KATNAL2: variants seen among roughly 807,000 people sequenced by gnomAD.
KATNAL2 encodes the protein katanin p60 ATPase-containing subunit A-like 2.
Under a neutral mutation model 76.3 loss-of-function variants are expected in KATNAL2, and 52 were observed. The ratio of observed to expected loss-of-function variants is 0.68; its 90% CI spans 0.55 to 0.86. KATNAL2 has a LOEUF of 0.86. Among genes scored for constraint, KATNAL2 ranks in the 40% least tolerant of loss-of-function variants. KATNAL2 has a pLI of 0.00. For synonymous variants in KATNAL2, 243 were observed against 244.2 expected (o/e 1.00, Z 0.05); for missense variants, 660 against 668.9 (o/e 0.99, Z 0.15).
chr18:47,068,643 T>G (rs2061891215), intron 11 of KATNAL2, among the ~76,000 whole-genome samples: 1 of 152,188 alleles, frequency 6.6e-6, no homozygotes, highest in Non-Finnish European at 1.5e-5. Context: ...CTACCAACCC[T>G]TGCCACCCAC....
At position 47,043,245 on chromosome 18, in the gene KATNAL2, A is replaced by AAAAAAAAT. The variant is rs376877321; in HGVS notation, c.52-3212_52-3211insAAAAAAAT. 5.2e-4 allele frequency among the ~76,000 whole-genome samples: 48 copies of AAAAAAAAT among 93,136 alleles called. 6 individuals carry two copies. Among genetic ancestry groups the AAAAAAAAT allele is most frequent in the African/African-American group, 6.1e-4 (15 of 24,730 alleles). 61.1% of individuals were successfully genotyped at this position (93,136 alleles called of 152,430 possible). ...CCGTTTCAAAAAAAAAAAAAAAAAA[A>AAAAAAAAT]GAGATCCTAAAAGCTTCCTGGGAAG... On this transcript the variant is annotated intron_variant, in intron 3 of 17. Coordinates refer to ENST00000683218, the MANE Select transcript of KATNAL2 (RefSeq NM_001387690.1).
At chr18:47,071,592 G>A (rs1328908061) in intron 13 of KATNAL2, among the ~76,000 whole-genome samples, 1 of 151,894 alleles carries the variant, frequency 6.6e-6, no homozygotes, top group African/African-American at 2.4e-5. Flanking sequence ...TTCATCTCCT[G>A]TCATGAAAAG....
chr18:47,066,686 G>A (rs1298734500), intron 10 of KATNAL2, among the ~76,000 whole-genome samples: 1 of 151,326 alleles, frequency 6.6e-6, no homozygotes, highest in Non-Finnish European at 1.5e-5. Context: ...AGCATGGTTT[G>A]CTATTGACTG....
chr18:47,047,351 A>G (rs1019381403), intron 4 of KATNAL2, among the ~76,000 whole-genome samples: 2 of 152,230 alleles, frequency 1.3e-5, no homozygotes, highest in Non-Finnish European at 2.9e-5. Flanking sequence ...TAGCACAGAA[A>G]TGAGGTTTTT....
Position 47,036,022 on chromosome 18 carries a change from T to C in KATNAL2, c.52-10435T>C, listed in dbSNP as rs187119565. Among the ~76,000 whole-genome samples, 4 of 152,348 alleles carry C rather than the reference T, an allele frequency of 2.6e-5. No homozygotes were observed. The East Asian group carries it at 7.7e-4, about 29-fold the overall frequency. ...ATCTGCTCCATCAATTTCGAGACAG[T>C]AGTTCGAGCACTGTCTTGACCCCGC... On this transcript the variant is annotated intron_variant, in intron 3 of 17. Coordinates refer to ENST00000683218, the MANE Select transcript of KATNAL2 (RefSeq NM_001387690.1).
Position 47,053,063 on chromosome 18 carries a change from T to C in KATNAL2, c.289+17T>C, listed in dbSNP as rs775809834. On this transcript the variant is annotated intron_variant, in intron 5 of 17. Coordinates refer to ENST00000683218, the MANE Select transcript of KATNAL2 (RefSeq NM_001387690.1). ...CAGACACAGGTACATGCCTATTTTC[T>C]AGAGATAAGGCTTTGTCTCATCTGT... is the stretch of plus-strand genomic sequence containing the variant. 9 of 1,566,242 alleles carry C rather than the reference T, an allele frequency of 5.7e-6. No individual in the cohort carries two copies. Among genetic ancestry groups the C allele is most frequent in the Non-Finnish European group, 7.8e-6 (9 of 1,158,202 alleles).
At chr18:47,060,664 T>G (rs1488254363) in intron 8 of KATNAL2, among the ~76,000 whole-genome samples, 1 of 152,200 alleles carries the variant, frequency 6.6e-6, no homozygotes, top group Non-Finnish European at 1.5e-5. Context: ...AGTGCTGACT[T>G]AGTTCTGGCC....
intron 13 of KATNAL2, among the ~76,000 whole-genome samples, chr18:47,074,040 G>A (rs536288134): frequency 2.0e-5 from 3 of 152,208 alleles, no homozygotes; most frequent in African/African-American, 7.2e-5. Context: ...TGCCACTGTC[G>A]TAATCACCCT....
chr18:47,059,178 T>C (rs2061557020), intron 7 of KATNAL2, among the ~76,000 whole-genome samples: 1 of 152,112 alleles, frequency 6.6e-6, no homozygotes, highest in Non-Finnish European at 1.5e-5. Flanking sequence ...ATGAGTCCCA[T>C]GGGAGGCTAG....
At chr18:46,933,399 G>A (rs1418678336) in intron 1 of KATNAL2, among the ~76,000 whole-genome samples, 2 of 152,168 alleles carry the variant, frequency 1.3e-5, no homozygotes, top group African/African-American at 4.8e-5. Flanking sequence ...CACAGGAGAT[G>A]AAGAGGTTAA....
chr18:47,051,394 C>T (rs1248307457), intron 4 of KATNAL2, among the ~76,000 whole-genome samples: 2 of 151,234 alleles, frequency 1.3e-5, no homozygotes, highest in South Asian at 4.2e-4. Flanking sequence ...TTGTGCCACT[C>T]CAGCTTAGGT....
rs955694413 is a variant in KATNAL2 at position 47,066,581 on chromosome 18, C to A, written c.727-440C>A. ...TGTTTGTGAGATCAAGGAGCAAGAGCAAGGCCAGGCACTGGCTAGGAACTA... is the reference window on the plus strand; with the variant it reads ...TGTTTGTGAGATCAAGGAGCAAGAGAAAGGCCAGGCACTGGCTAGGAACTA... On this transcript the variant is annotated intron_variant, in intron 10 of 17. Transcript: ENST00000683218. Among the ~76,000 whole-genome samples the A allele has an allele frequency of 3.3e-5, 5 of 152,142 alleles. 1 individual carries two copies. The highest frequency in any genetic ancestry group is 3.3e-4 in the Admixed American group (5 of 15,292).
chr18:47,065,345 T>C (rs1050272670), intron 10 of KATNAL2, among the ~76,000 whole-genome samples: 1 of 150,920 alleles, frequency 6.6e-6, no homozygotes, highest in Non-Finnish European at 1.5e-5. Flanking sequence ...CTGGGCAACA[T>C]AATGAGACCC....
intron 11 of KATNAL2, among the ~76,000 whole-genome samples, chr18:47,067,715 A>G (rs550856185): frequency 2.0e-5 from 3 of 152,260 alleles, no homozygotes; most frequent in African/African-American, 7.2e-5. Context: ...TGAGGAGATA[A>G]GTGATAACTT....
At position 46,922,385 on chromosome 18, in the gene KATNAL2, C is replaced by A. The variant is rs764413687; in HGVS notation, c.-510+4459C>A. Reference sequence around the variant, plus strand: ...GTGCTAGGATTACTGATGTGAGCCGCTGCTCCCGGCCTCAACTTTTTATTC... The same window carrying A: ...GTGCTAGGATTACTGATGTGAGCCGATGCTCCCGGCCTCAACTTTTTATTC... On this transcript the variant is annotated intron_variant, in intron 1 of 17. Transcript: ENST00000683218. Among the ~76,000 whole-genome samples, 21 of 152,084 alleles carry A rather than the reference C, an allele frequency of 1.4e-4. 1 individual carries two copies. The highest frequency in any genetic ancestry group is 2.5e-4 in the Non-Finnish European group (17 of 68,010).
At chr18:46,924,649 T>C (rs942397483) in intron 1 of KATNAL2, among the ~76,000 whole-genome samples, 3 of 152,168 alleles carry the variant, frequency 2.0e-5, no homozygotes, top group African/African-American at 4.8e-5. Flanking sequence ...AGGCATTGAA[T>C]CTATAAATTA....
chr18:47,090,136 T>G (rs948808494), intron 15 of KATNAL2, among the ~76,000 whole-genome samples: 1 of 151,434 alleles, frequency 6.6e-6, no homozygotes, highest in African/African-American at 2.4e-5. Flanking sequence ...AGACAGAGTC[T>G]CACTCTGTCC....
chr18:46,937,370 T>C (rs1307431637), intron 1 of KATNAL2, among the ~76,000 whole-genome samples: 1 of 152,062 alleles, frequency 6.6e-6, no homozygotes. Flanking sequence ...CTAAATGTTT[T>C]TTGTTTTTTA....
At chr18:47,086,334 A>C (rs894385658) in intron 15 of KATNAL2, among the ~76,000 whole-genome samples, 4 of 152,020 alleles carry the variant, frequency 2.6e-5, no homozygotes, top group Non-Finnish European at 2.9e-5. Context: ...TTGGAGACAG[A>C]GTCTCGCTCT....
Sources: gnomAD v4.1 joint callset for allele counts (sites outside exome capture counted in the v4.1 genomes callset) on GRCh38, gnomAD v4.1.1 for gene constraint, MANE v1.5 for transcripts, NCBI Gene and HGNC (gene_info 2026-07-23, HGNC 2026-07-21) for gene names.